DLGAP2: variants seen among roughly 807,000 people sequenced by gnomAD.
DLGAP2 encodes disks large-associated protein 2.
In DLGAP2, 26 loss-of-function variants were observed where a neutral mutation model predicts 100.3. The observed-to-expected ratio is 0.26, with a 90% CI of 0.19 to 0.36. The LOEUF (loss-of-function observed/expected upper bound fraction) is 0.36. Ranked by LOEUF, DLGAP2 falls within the 10% of genes least tolerant of loss-of-function variation. DLGAP2 has a pLI of 1.00. For missense variants in DLGAP2, 1,858 were observed against 1,453.2 expected (o/e 1.28, Z -4.53); for synonymous variants, 886 against 630.1 (o/e 1.41, Z -6.08).
At chr8:1,656,372 T>A (rs1449053717) in intron 8 of DLGAP2, among the ~76,000 whole-genome samples, 1 of 151,766 alleles carries the variant, frequency 6.6e-6, no homozygotes, top group African/African-American at 2.4e-5. Flanking sequence ...GTCAGGGCAG[T>A]CTAGAAAGGA....
At chr8:1,540,969 A>C (rs7002450) in intron 4 of DLGAP2, among the ~76,000 whole-genome samples, 1 of 152,042 alleles carries the variant, frequency 6.6e-6, no homozygotes, top group East Asian at 1.9e-4. Context: ...TCGTTTCCAC[A>C]GAATTCGGCC....
At chr8:874,950 A>G (rs1350330841) in intron 1 of DLGAP2, among the ~76,000 whole-genome samples, 4 of 152,280 alleles carry the variant, frequency 2.6e-5, no homozygotes, top group East Asian at 1.9e-4. Flanking sequence ...GTACATATAT[A>G]TTTATAATTG....
intron 2 of DLGAP2, among the ~76,000 whole-genome samples, chr8:1,172,555 C>G (rs1797151447): frequency 6.6e-6 from 1 of 152,142 alleles, no homozygotes; most frequent in African/African-American, 2.4e-5. Context: ...TCACATAGTC[C>G]CATATTTCTT....
At chr8:883,691 A>G (rs1361519196) in intron 1 of DLGAP2, among the ~76,000 whole-genome samples, 1 of 151,708 alleles carries the variant, frequency 6.6e-6, no homozygotes, top group Middle Eastern at 3.2e-3. Flanking sequence ...GCGGTTCGTT[A>G]CGTAGGTGCG....
intron 6 of DLGAP2, among the ~76,000 whole-genome samples, chr8:1,571,334 A>AGG (rs1281425756): frequency 1.0e-5 from 1 of 98,100 alleles, no homozygotes; most frequent in Non-Finnish European, 1.9e-5. Context: ...GGGAGGAGAG[A>AGG]GGGTGAACTG....
At chr8:1,220,319 A>G (rs1798292075) in intron 2 of DLGAP2, among the ~76,000 whole-genome samples, 1 of 152,086 alleles carries the variant, frequency 6.6e-6, no homozygotes, top group African/African-American at 2.4e-5. Context: ...ATTTGTTTTC[A>G]TTAGTTTCAA....
rs972227928 is a variant in DLGAP2, at chr8:1,486,557, C to T, written c.107-14809C>T. On this transcript the variant is annotated intron_variant, in intron 3 of 14. Coordinates refer to ENST00000637795, the MANE Select transcript of DLGAP2 (RefSeq NM_001346810.2). ...CATTCCAATCAAAGGGGGAATTTCT[C>T]GGTTTCCTTAGGAACAGTTCAGCAT... 3.3e-5 allele frequency among the ~76,000 whole-genome samples: 5 copies of T among 152,182 alleles called. No homozygotes were observed. In the South Asian group the frequency reaches 6.2e-4, roughly 19 times the overall value.
At chr8:1,193,772 C>A (rs1797690741) in intron 2 of DLGAP2, among the ~76,000 whole-genome samples, 1 of 152,090 alleles carries the variant, frequency 6.6e-6, no homozygotes, top group Non-Finnish European at 1.5e-5. Flanking sequence ...CCAGTCTCGG[C>A]CTCTAGAGCC....
intron 2 of DLGAP2, among the ~76,000 whole-genome samples, chr8:1,184,244 A>G (rs1209045158): frequency 3.3e-5 from 5 of 152,262 alleles, no homozygotes; most frequent in Non-Finnish European, 7.3e-5. Flanking sequence ...AAGAGAACAT[A>G]TACTAAAATA....
chr8:1,295,636 A>C (rs1167605303), intron 3 of DLGAP2, among the ~76,000 whole-genome samples: 1 of 152,230 alleles, frequency 6.6e-6, no homozygotes, highest in African/African-American at 2.4e-5. Context: ...TATAAATCCC[A>C]AAGGGCTTTG....
intron 2 of DLGAP2, among the ~76,000 whole-genome samples, chr8:1,132,337 G>A (rs532761751): frequency 3.3e-5 from 5 of 152,124 alleles, no homozygotes; most frequent in Non-Finnish European, 7.3e-5. Context: ...CTGAAGCATT[G>A]CCTGGAGATG....
intron 1 of DLGAP2, among the ~76,000 whole-genome samples, chr8:777,280 C>A (rs1306396434): frequency 6.6e-6 from 1 of 150,736 alleles, no homozygotes; most frequent in Non-Finnish European, 1.5e-5. Flanking sequence ...ATACAGCACA[C>A]TGATGGGTCT....
At chr8:1,224,543 G>GA (rs202229329) in intron 2 of DLGAP2, among the ~76,000 whole-genome samples, 1 of 151,694 alleles carries the variant, frequency 6.6e-6, no homozygotes, top group Non-Finnish European at 1.5e-5. Context: ...AAAAATGATA[G>GA]AAAAAAATCA....
intron 8 of DLGAP2, among the ~76,000 whole-genome samples, chr8:1,665,542 T>TATA (rs1798522984): frequency 1.4e-5 from 2 of 139,394 alleles, no homozygotes; most frequent in African/African-American, 6.1e-5. Context: ...AAAAATATAA[T>TATA]AAGGCAGATG....
chr8:1,155,879 T>A (rs1266517098), intron 2 of DLGAP2, among the ~76,000 whole-genome samples: 1 of 152,088 alleles, frequency 6.6e-6, no homozygotes, highest in Admixed American at 6.5e-5. Context: ...GGACGCGCTG[T>A]CTGCATCCAG....
At chr8:1,586,835 G>A (rs146818887) in intron 6 of DLGAP2, among the ~76,000 whole-genome samples, 310 of 152,320 alleles carry the variant, frequency 2.0e-3, no homozygotes, top group African/African-American at 7.0e-3. Flanking sequence ...TCTACTTATT[G>A]CCAAGGTATC....
intron 8 of DLGAP2, among the ~76,000 whole-genome samples, chr8:1,664,619 C>T (rs767477975): frequency 2.5e-4 from 38 of 152,206 alleles, no homozygotes; most frequent in Non-Finnish European, 4.7e-4. Context: ...CTTCAGCCCC[C>T]TTATCAATGG....
intron 2 of DLGAP2, among the ~76,000 whole-genome samples, chr8:1,152,995 G>T (rs1563218361): frequency 6.6e-6 from 1 of 152,166 alleles, no homozygotes; most frequent in Non-Finnish European, 1.5e-5. Flanking sequence ...AAGCTATTCT[G>T]TAGAAATTTA....
At chr8:1,650,999 A>G (rs1236879771) in intron 8 of DLGAP2, among the ~76,000 whole-genome samples, 1 of 152,192 alleles carries the variant, frequency 6.6e-6, no homozygotes, top group Non-Finnish European at 1.5e-5. Context: ...TGCCTCCAGC[A>G]TCTACCACCA....
Sources: allele counts gnomAD v4.1 joint callset (sites outside exome capture counted in the v4.1 genomes callset), GRCh38; gene constraint gnomAD v4.1.1; transcripts MANE v1.5; gene names NCBI Gene and HGNC (gene_info 2026-07-23, HGNC 2026-07-21).